Variants in ZFP91 observed in about 807,000 individuals in gnomAD.
The protein encoded by ZFP91 is E3 ubiquitin-protein ligase ZFP91.
ZFP91 carries 7 observed loss-of-function variants against 63.5 expected under a neutral mutation model. The ratio of observed to expected loss-of-function variants is 0.11; its 90% CI spans 0.06 to 0.21. The LOEUF is 0.21. Among genes scored for constraint, ZFP91 ranks in the 10% least tolerant of loss-of-function variants. The pLI, the probability that ZFP91 is intolerant of heterozygous loss-of-function variation, is 1.00. For missense variants in ZFP91, 628 were observed against 736.6 expected (o/e 0.85, Z 1.71); for synonymous variants, 330 against 272.1 (o/e 1.21, Z -2.10).
In ZFP91 at chr11:58,594,580, T is replaced by C. The variant is rs1270004058; in HGVS notation, c.370+9696T>C. 3.3e-5 allele frequency among the ~76,000 whole-genome samples: 5 copies of C among 152,356 alleles called. No individual in the cohort carries two copies. In the South Asian group the frequency reaches 6.2e-4, roughly 19 times the overall value. The stretch of plus-strand genomic sequence containing the variant: ...TTTGTTTTGCTCCAAAATTTTAATA[T>C]CTGCAGAAATTCTGTGAAAGCCTAA... On this transcript the variant is annotated intron_variant, in intron 2 of 10. Transcript: ENST00000316059.
At chr11:58,608,163 G>A (rs1855599253) in intron 2 of ZFP91, among the ~76,000 whole-genome samples, 1 of 150,978 alleles carries the variant, frequency 6.6e-6, no homozygotes, top group Non-Finnish European at 1.5e-5. Flanking sequence ...ATTCAAAGGG[G>A]GATTGGTTTC....
Position 58,612,382 on chromosome 11 carries a change from T to C in ZFP91, c.908+54T>C. The C allele has an allele frequency of 1.9e-6, 3 of 1,571,018 alleles. No individual in the cohort carries two copies. In the South Asian group the frequency reaches 3.4e-5, roughly 18 times the overall value. On this transcript the variant is annotated intron_variant, in intron 7 of 10. Coordinates refer to ENST00000316059, the MANE Select transcript of ZFP91 (RefSeq NM_053023.5). ...CACCTTATTCCAGTACCAGGCACTT[T>C]ACTCACAAATTTAGACTTCATGATA... is the stretch of plus-strand genomic sequence containing the variant.
chr11:58,601,274 T>G (rs1380293923), intron 2 of ZFP91, among the ~76,000 whole-genome samples: 1 of 152,218 alleles, frequency 6.6e-6, no homozygotes, highest in East Asian at 1.9e-4. Context: ...CTGACTCAGT[T>G]GTCTACTTGT....
chr11:58,599,196 C>T (rs188980468), intron 2 of ZFP91, among the ~76,000 whole-genome samples: 25 of 151,252 alleles, frequency 1.7e-4, no homozygotes, highest in Admixed American at 9.8e-4. Context: ...TTTGTTTATC[C>T]ATTCACTGGT....
chr11:58,617,094 GTGTGTA>G lies in ZFP91; in HGVS notation c.1203-98_1203-93del, dbSNP rs1855762028. On this transcript the variant is annotated intron_variant, in intron 10 of 10. Coordinates refer to ENST00000316059, the MANE Select transcript of ZFP91 (RefSeq NM_053023.5). This position sits in a 1 kb window ranked among gnomAD's most constrained non-coding sequence, Gnocchi z 4.2. ...ATTGTGTGTGTGTGTGTGTGTGTGTGTGTGTATGTATATATATGCTCTAAACTCTAA... is the reference window on the plus strand; with the variant it reads ...ATTGTGTGTGTGTGTGTGTGTGTGTGTGTATATATATGCTCTAAACTCTAA... The G allele has an allele frequency of 6.0e-6, 6 of 1,006,790 alleles. No homozygotes were observed. The highest frequency in any genetic ancestry group is 3.2e-5 in the South Asian group (2 of 61,806). 62.4% of individuals were successfully genotyped at this position (1,006,790 alleles called of 1,614,324 possible).
At chr11:58,616,633 C>A (rs1855752830) in intron 9 of ZFP91, 83 bp from the exon 10 acceptor site, 11 of 1,074,856 alleles carry the variant, frequency 1.0e-5, no homozygotes, top group Non-Finnish European at 1.5e-5. Flanking sequence ...AAATTGCCTG[C>A]CCCATCATCT....
At chr11:58,598,375 C>G (rs1855438032) in intron 2 of ZFP91, among the ~76,000 whole-genome samples, 1 of 152,038 alleles carries the variant, frequency 6.6e-6, no homozygotes, top group Non-Finnish European at 1.5e-5. Context: ...CAAATTGTCA[C>G]AAATCTCCAA....
At chr11:58,606,409 G>GT (rs1235907474) in intron 2 of ZFP91, among the ~76,000 whole-genome samples, 1 of 152,026 alleles carries the variant, frequency 6.6e-6, no homozygotes, top group Non-Finnish European at 1.5e-5. Context: ...TTGGTATTCT[G>GT]TATTTGTCGA....
chr11:58,605,334 T>TA (rs1855553570), intron 2 of ZFP91, among the ~76,000 whole-genome samples: 1 of 152,228 alleles, frequency 6.6e-6, no homozygotes, highest in Non-Finnish European at 1.5e-5. Flanking sequence ...GAGTTAGAAA[T>TA]CAAAAGTACA....
chr11:58,612,961 GTCTT>G lies in ZFP91; in HGVS notation c.987+127_987+130del, dbSNP rs999070031. 1.6e-5 allele frequency: 13 copies of G among 836,106 alleles called. No homozygotes were observed. The African/African-American group carries it at 2.2e-4, about 14-fold the overall frequency. 51.8% of individuals were successfully genotyped at this position (836,106 alleles called of 1,614,324 possible). A position where few individuals can be genotyped will look rare whatever the true frequency, so the allele number is the denominator to read the frequency against. The stretch of plus-strand genomic sequence containing the variant: ...TCATTGACATGTAATGTCAAGAAAA[GTCTT>G]TCTTTAAACATAAAATGACTTTAAC... On this transcript the variant is annotated intron_variant, in intron 8 of 10. Transcript: ENST00000316059.
intron 5 of ZFP91, 173 bp downstream of exon 5, chr11:58,611,227 T>C (rs1855656589): frequency 1.9e-6 from 1 of 517,570 alleles, no homozygotes; most frequent in Non-Finnish European, 3.3e-6. Context: ...CTGATAATAA[T>C]CCTCTTTCCC....
Position 58,579,502 on chromosome 11 carries a change from C to T in ZFP91, c.221C>T (p.Ala74Val). ...GCAGCTGTGTCCCGCCGGAGGAAGG[C>T]CGAGTATCCCCGCCGGCGGAGGAGC... ...AAAAVSRRRK[A>V]EYPRRRRSSP... is the part of the protein sequence containing the mutation. The change falls in exon 1 of 11, where the codon GCC becomes GTC. Residue 74 changes from alanine to valine, a missense_variant. This residue lies in a region of ZFP91 where 437 missense variants were observed against 380.3 expected (regional missense o/e 1.15). Coordinates refer to ENST00000316059, the MANE Select transcript of ZFP91 (RefSeq NM_053023.5). 6.5e-7 allele frequency: 1 copy of T among 1,535,746 alleles called. No homozygotes were observed. Among genetic ancestry groups the T allele is most frequent in the African/African-American group, 1.4e-5 (1 of 70,134 alleles).
At chr11:58,589,005 A>G (rs1282009782) in intron 2 of ZFP91, among the ~76,000 whole-genome samples, 1 of 152,228 alleles carries the variant, frequency 6.6e-6, no homozygotes, top group Non-Finnish European at 1.5e-5. Context: ...GAGTTCTGGA[A>G]GGAAAATCTG....
At chr11:58,615,536 A>C (rs1339652491) in intron 9 of ZFP91, among the ~76,000 whole-genome samples, 2 of 152,046 alleles carry the variant, frequency 1.3e-5, no homozygotes, top group African/African-American at 4.8e-5. Flanking sequence ...TTTTTTTGCA[A>C]ATGTCATTTA....
Position 58,611,747 on chromosome 11 carries a change from G to T in ZFP91, c.857+9G>T. On this transcript the variant is annotated intron_variant, in intron 6 of 10. Transcript: ENST00000316059. ...GAGGAACCTCCAAGGAAGTGAGTAG[G>T]CAATTATTAAAAATGAAAATCTAAC... 6.3e-7 allele frequency: 1 copy of T among 1,583,894 alleles called. No homozygotes were observed. The highest frequency in any genetic ancestry group is 8.6e-7 in the Non-Finnish European group (1 of 1,167,218).
chr11:58,610,161 T>G, intron 3 of ZFP91, 122 bp downstream of exon 3: 1 of 1,413,602 alleles, frequency 7.1e-7, no homozygotes. Context: ...TAGGTGGTAT[T>G]TCTTTGAACA....
chr11:58,579,289 G>A lies in ZFP91; in HGVS notation c.8G>A (p.Gly3Glu), dbSNP rs1855037341. Residue 3 changes from glycine to glutamate, a missense_variant, in exon 1 of 11, where the codon GGG (glycine) becomes GAG (glutamate). Transcript: ENST00000316059. ...GGGGACGGACAAGCCCCGATGCCGG[G>A]GGAGACGGAAGAGCCGAGACCCCCG... MP[G>E]ETEEPRPPEQ... 4 of 1,458,646 alleles carry A rather than the reference G, an allele frequency of 2.7e-6. No homozygotes were observed. The highest frequency in any genetic ancestry group is 2.7e-6 in the Non-Finnish European group (3 of 1,113,004). The allele number at this position is 1,458,646 out of a possible 1,614,324, so 90.4% of individuals were successfully genotyped here. A position where few individuals can be genotyped will look rare whatever the true frequency, so the allele number is the denominator to read the frequency against.
intron 1 of ZFP91, among the ~76,000 whole-genome samples, chr11:58,581,668 T>C (rs1343163485): frequency 6.6e-5 from 10 of 152,208 alleles, no homozygotes; most frequent in Non-Finnish European, 1.3e-4. Context: ...GCCTGCTGTT[T>C]AATTTTTGAA....
chr11:58,605,078 T>C (rs2134412382), intron 2 of ZFP91, among the ~76,000 whole-genome samples: 1 of 152,344 alleles, frequency 6.6e-6, no homozygotes, highest in Admixed American at 6.5e-5. Flanking sequence ...CATCTTCTCT[T>C]TTCATTTTCT....
Sources: allele counts gnomAD v4.1 joint callset (sites outside exome capture counted in the v4.1 genomes callset), GRCh38; gene constraint gnomAD v4.1.1; regional missense constraint gnomAD v4.1.1; non-coding constraint Gnocchi (gnomAD v3.1); transcripts MANE v1.5; gene names NCBI Gene and HGNC (gene_info 2026-07-23, HGNC 2026-07-21).